RFC1: variants seen among roughly 807,000 people sequenced by gnomAD.
The protein encoded by RFC1 is replication factor C subunit 1, also known as A1 140 kDa subunit.
RFC1 carries 37 observed loss-of-function variants against 137.4 expected under a neutral mutation model. That is an observed-to-expected ratio of 0.27 (90% CI 0.21 to 0.35). RFC1 has a LOEUF of 0.35. Ranked by LOEUF, RFC1 falls within the 10% of genes least tolerant of loss-of-function variation. RFC1 has a pLI of 1.00. For synonymous variants in RFC1, 429 were observed against 455.7 expected, an observed-to-expected ratio of 0.94 and a Z score of 0.75; for missense variants, 1,205 against 1,358.5, an observed-to-expected ratio of 0.89 and a Z score of 1.78.
At chr4:39,330,807 T>C (rs1224335657) in intron 4 of RFC1, among the ~76,000 whole-genome samples, 1 of 152,182 alleles carries the variant, frequency 6.6e-6, no homozygotes, top group Admixed American at 6.6e-5. Flanking sequence ...TCCATAACTC[T>C]TTCTAAAGCA....
intron 15 of RFC1, 82 bp from the exon 16 acceptor site, chr4:39,303,233 G>T: frequency 3.6e-6 from 3 of 831,626 alleles, no homozygotes; most frequent in Non-Finnish European, 4.1e-6. Flanking sequence ...AGAAAATTAT[G>T]TAACAGATAT....
chr4:39,342,600 G>T, intron 3 of RFC1, 133 bp from the exon 4 acceptor site: 2 of 836,908 alleles, frequency 2.4e-6, no homozygotes, highest in Non-Finnish European at 1.8e-6. Context: ...ATTCTCACAG[G>T]TTACTTTTAC....
At chr4:39,364,138 G>A (rs1292365260) in intron 1 of RFC1, among the ~76,000 whole-genome samples, 1 of 150,030 alleles carries the variant, frequency 6.7e-6, no homozygotes, top group Non-Finnish European at 1.5e-5. Context: ...AAAATGGTGT[G>A]TATATGCCCA....
At chr4:39,351,279 A>ATT in intron 2 of RFC1, 69 bp downstream of exon 2, 1 of 532,954 alleles carries the variant, frequency 1.9e-6, no homozygotes, top group Non-Finnish European at 2.7e-6. Context: ...AAAAAAAAAA[A>ATT]AAAAAACTTA....
chr4:39,302,187 G>C, intron 19 of RFC1, 91 bp downstream of exon 19: 1 of 767,772 alleles, frequency 1.3e-6, no homozygotes, highest in Non-Finnish European at 2.3e-6. Flanking sequence ...GGCATACCAA[G>C]GAACTATAAT....
chr4:39,346,256 C>T (rs989587689), intron 2 of RFC1, among the ~76,000 whole-genome samples: 6 of 152,190 alleles, frequency 3.9e-5, no homozygotes, highest in African/African-American at 1.4e-4. Context: ...GCGGGCAGAT[C>T]ACCTGAAGTC....
Position 39,327,627 on chromosome 4 carries a change from G to C in RFC1, c.461C>G (p.Pro154Arg). The change falls in exon 5 of 25, where the codon CCT becomes CGT. Residue 154 changes from proline to arginine, a missense_variant. Coordinates refer to ENST00000349703, the MANE Select transcript of RFC1 (RefSeq NM_002913.5). ...GGGTGTAAGTTTTATTGGTGATAAAGGCTTATTCTTGGTCTTAGTGTTTTC... is the reference window on the plus strand; with the variant it reads ...GGGTGTAAGTTTTATTGGTGATAAACGCTTATTCTTGGTCTTAGTGTTTTC... ...NEENTKTKNK[P>R]LSPIKLTPTS... The C allele has an allele frequency of 6.2e-7, 1 of 1,613,650 alleles. No individual in the cohort carries two copies. The highest frequency in any genetic ancestry group is 1.3e-5 in the African/African-American group (1 of 75,018).
Position 39,302,393 on chromosome 4 carries a change from TA to T in RFC1, c.2437-18del. 1 of 1,589,822 alleles carries T rather than the reference TA, an allele frequency of 6.3e-7. No individual in the cohort carries two copies. Among genetic ancestry groups the T allele is most frequent in the Admixed American group, 1.7e-5 (1 of 59,964 alleles). On this transcript the variant is annotated intron_variant, in intron 18 of 24. Coordinates refer to ENST00000349703, the MANE Select transcript of RFC1 (RefSeq NM_002913.5). The stretch of plus-strand genomic sequence containing the variant: ...ATGTAAAACCTAAAAGAATCACAAA[TA>T]AGACAACGTCAAGATAGGAAAATCC...
intron 1 of RFC1, among the ~76,000 whole-genome samples, chr4:39,361,604 G>A (rs1741761505): frequency 6.6e-6 from 1 of 152,158 alleles, no homozygotes; most frequent in Non-Finnish European, 1.5e-5. Context: ...GTAAACCCAT[G>A]TGTTTACAGA....
intron 6 of RFC1, among the ~76,000 whole-genome samples, chr4:39,325,644 A>C (rs960727314): frequency 6.6e-6 from 1 of 152,066 alleles, no homozygotes; most frequent in Non-Finnish European, 1.5e-5. Flanking sequence ...CGGCCTCCCA[A>C]AGTGCTGGGA....
At position 39,295,774 on chromosome 4, in the gene RFC1, A is replaced by G. The variant is rs528518314; in HGVS notation, c.2809-15T>C. 144 of 1,606,280 alleles carry G rather than the reference A, an allele frequency of 9.0e-5. 1 individual carries two copies. The highest frequency in any genetic ancestry group is 1.4e-4 in the Admixed American group (8 of 58,620). On this transcript the variant is annotated splice_polypyrimidine_tract_variant and intron_variant, in intron 21 of 24. Transcript: ENST00000349703. ...GCATAAATGGCCTGAAAAAAAATCA[A>G]TTGCAGTCCAGAATTTATGTTCCGT...
At chr4:39,337,540 T>C (rs1364995165) in intron 4 of RFC1, among the ~76,000 whole-genome samples, 1 of 152,020 alleles carries the variant, frequency 6.6e-6, no homozygotes, top group Non-Finnish European at 1.5e-5. Flanking sequence ...CTAAATTTAG[T>C]TTCTTTTATA....
At chr4:39,322,790 AAAG>A (rs1339703779) in intron 7 of RFC1, among the ~76,000 whole-genome samples, 6 of 151,988 alleles carry the variant, frequency 3.9e-5, no homozygotes, top group African/African-American at 1.4e-4. Flanking sequence ...AAAAAAAAAA[AAAG>A]AACTAAAAGG....
At chr4:39,304,476 G>A (rs1738529628) in intron 15 of RFC1, among the ~76,000 whole-genome samples, 1 of 152,124 alleles carries the variant, frequency 6.6e-6, no homozygotes, top group Admixed American at 6.5e-5. Flanking sequence ...TGCAGAGTGA[G>A]GTTAATAAGG....
At chr4:39,310,188 T>G (rs1354060734) in intron 12 of RFC1, among the ~76,000 whole-genome samples, 1 of 152,026 alleles carries the variant, frequency 6.6e-6, no homozygotes, top group Non-Finnish European at 1.5e-5. Context: ...TGAGAGACAT[T>G]CCACAAAACT....
In RFC1 at chr4:39,350,493, T is replaced by C. The variant is rs6827026; in HGVS notation, c.132+855A>G. ...AATTAAAAAATTCTTTAATGAACCATGAGAAAAACAACACACATGAGAAAA... is the reference window on the plus strand; with the variant it reads ...AATTAAAAAATTCTTTAATGAACCACGAGAAAAACAACACACATGAGAAAA... On this transcript the variant is annotated intron_variant, in intron 2 of 24. Transcript: ENST00000349703. Among the ~76,000 whole-genome samples, 1,468 of 152,102 alleles carry C rather than the reference T, an allele frequency of 9.7e-3. 21 individuals carry two copies. Among genetic ancestry groups the C allele is most frequent in the African/African-American group, 0.034 (1,395 of 41,496 alleles).
chr4:39,342,213 G>A (rs1295235734), intron 4 of RFC1, 132 bp downstream of exon 4: 73 of 1,056,958 alleles, frequency 6.9e-5, no homozygotes, highest in Non-Finnish European at 9.1e-5. Context: ...AGCCTTCCCT[G>A]ACAAATATAA....
At chr4:39,334,549 A>C (rs1470386947) in intron 4 of RFC1, among the ~76,000 whole-genome samples, 1 of 152,142 alleles carries the variant, frequency 6.6e-6, no homozygotes, top group Non-Finnish European at 1.5e-5. Context: ...ATTCCAAATA[A>C]AGTTGTAGTT....
intron 12 of RFC1, among the ~76,000 whole-genome samples, chr4:39,310,570 T>C (rs1738916705): frequency 6.6e-6 from 1 of 152,124 alleles, no homozygotes; most frequent in Non-Finnish European, 1.5e-5. Flanking sequence ...ACAGTGGGAA[T>C]GAATGAGGCT....
Sources: allele counts gnomAD v4.1 joint callset (sites outside exome capture counted in the v4.1 genomes callset), GRCh38; gene constraint gnomAD v4.1.1; transcripts MANE v1.5; gene names NCBI Gene and HGNC (gene_info 2026-07-23, HGNC 2026-07-21).